The following ASTN2 variants were observed in gnomAD, a reference collection of about 807,000 sequenced individuals.
ASTN2 encodes astrotactin 2, also known as astrotactin-2.
Under a neutral mutation model 139.8 loss-of-function variants are expected in ASTN2, and 54 were observed. The observed-to-expected ratio is 0.39, with a 90% confidence interval of 0.31 to 0.48. The LOEUF is 0.48. ASTN2 is among the 20% of genes least tolerant of loss of function. ASTN2 has a pLI of 0.95. For synonymous variants in ASTN2, 756 were observed against 719.5 expected (o/e 1.05, Z -0.81); for missense variants, 1,565 against 1,725.1 (o/e 0.91, Z 1.64).
At position 117,119,990 on chromosome 9, in the gene ASTN2, ATGTGTGTGTG is replaced by A. The variant is rs752111718; in HGVS notation, c.1168+21326_1168+21335del. On this transcript the variant is annotated intron_variant, in intron 4 of 22. Transcript: ENST00000313400. ...TATATAGATATCTCTATATATTTGT[ATGTGTGTGTG>A]TGTGTGTGTGTGTGTGTGTATATAT... Among the ~76,000 whole-genome samples, 25 of 73,222 alleles carry A rather than the reference ATGTGTGTGTG, an allele frequency of 3.4e-4. 1 individual carries two copies. Among genetic ancestry groups the A allele is most frequent in the African/African-American group, 1.4e-3 (23 of 16,310 alleles). 48.0% of individuals were successfully genotyped at this position (73,222 alleles called of 152,430 possible).
At chr9:117,382,054 C>A (rs1033550791) in intron 1 of ASTN2, among the ~76,000 whole-genome samples, 1 of 152,052 alleles carries the variant, frequency 6.6e-6, no homozygotes, top group Non-Finnish European at 1.5e-5. Flanking sequence ...ATCATGAGTA[C>A]CCTTTAGGCT....
intron 3 of ASTN2, among the ~76,000 whole-genome samples, chr9:117,199,419 A>C (rs1831625701): frequency 6.6e-6 from 1 of 152,172 alleles, no homozygotes; most frequent in South Asian, 2.1e-4. Flanking sequence ...TTTGTCAAAG[A>C]TCAGATGGTT....
chr9:116,816,286 T>C (rs1038262287), intron 12 of ASTN2, among the ~76,000 whole-genome samples: 1 of 152,204 alleles, frequency 6.6e-6, no homozygotes, highest in Admixed American at 6.5e-5. Flanking sequence ...CAGGAGGTGA[T>C]GCCCTCTCAC....
At chr9:117,336,057 GAAAA>G (rs35679249) in intron 1 of ASTN2, among the ~76,000 whole-genome samples, 1 of 104,924 alleles carries the variant, frequency 9.5e-6, no homozygotes. Flanking sequence ...GTCTGGAAAG[GAAAA>G]AAAAAAAAAA....
At position 117,220,058 on chromosome 9, in the gene ASTN2, T is replaced by C. The variant is rs144889739; in HGVS notation, c.631-5316A>G. ...TGATAGTTCACAGTGTGAAGAGTTA[T>C]GCTAAGGATTAAACAAGACATTCAA... On this transcript the variant is annotated intron_variant, in intron 2 of 22. Transcript: ENST00000313400. Among the ~76,000 whole-genome samples the C allele has an allele frequency of 3.3e-5, 5 of 152,338 alleles. No individual in the cohort carries two copies. The East Asian group carries it at 9.6e-4, about 29-fold the overall frequency.
chr9:117,218,591 C>G (rs966223255), intron 2 of ASTN2, among the ~76,000 whole-genome samples: 1 of 152,146 alleles, frequency 6.6e-6, no homozygotes, highest in Admixed American at 6.5e-5. Context: ...CTCCCTAGAC[C>G]CTGAAAAAGT....
At chr9:116,998,774 G>A (rs550633628) in intron 7 of ASTN2, among the ~76,000 whole-genome samples, 3 of 152,162 alleles carry the variant, frequency 2.0e-5, no homozygotes, top group South Asian at 2.1e-4. Flanking sequence ...ATCTTACTGT[G>A]GATTTTACCT....
At chr9:117,149,556 G>A (rs1043660966) in intron 3 of ASTN2, among the ~76,000 whole-genome samples, 1 of 151,924 alleles carries the variant, frequency 6.6e-6, no homozygotes, top group Non-Finnish European at 1.5e-5. Flanking sequence ...CCAGGACTGG[G>A]GACAAGGTGA....
chr9:117,092,136 G>A (rs1055016448), intron 5 of ASTN2, among the ~76,000 whole-genome samples: 3 of 152,212 alleles, frequency 2.0e-5, no homozygotes, highest in African/African-American at 7.2e-5. Flanking sequence ...AAGGGGCAGA[G>A]CCATGTCTGA....
chr9:117,285,877 TG>T (rs1834437287), intron 2 of ASTN2, among the ~76,000 whole-genome samples: 1 of 152,186 alleles, frequency 6.6e-6, no homozygotes, highest in South Asian at 2.1e-4. Context: ...GAGAGAAACA[TG>T]CCCTCAAAAT....
chr9:117,236,784 G>T (rs1418643512), intron 2 of ASTN2, among the ~76,000 whole-genome samples: 1 of 152,130 alleles, frequency 6.6e-6, no homozygotes, highest in Non-Finnish European at 1.5e-5. Context: ...CCTATAAAAT[G>T]AACACAATAA....
chr9:116,743,661 C>G (rs7867723), intron 13 of ASTN2, among the ~76,000 whole-genome samples: 2 of 152,118 alleles, frequency 1.3e-5, no homozygotes, highest in Non-Finnish European at 2.9e-5. Context: ...GTGTGCCACC[C>G]CACCGAGCTA....
intron 20 of ASTN2, among the ~76,000 whole-genome samples, chr9:116,475,238 A>C (rs1020222763): frequency 1.3e-5 from 2 of 152,202 alleles, no homozygotes; most frequent in Non-Finnish European, 2.9e-5. Context: ...CTCAAATGGT[A>C]ACCAGCAGCT....
At chr9:117,219,401 C>A (rs1469420698) in intron 2 of ASTN2, among the ~76,000 whole-genome samples, 3 of 152,074 alleles carry the variant, frequency 2.0e-5, no homozygotes, top group Non-Finnish European at 4.4e-5. Flanking sequence ...AAAAGGGGAG[C>A]TGAGGAGGAA....
Position 117,414,531 on chromosome 9 carries a change from G to A in ASTN2, c.408C>T (p.Asp136=). Residue 136 remains aspartate (D), a synonymous_variant, in exon 1 of 23, where the codon GAC becomes GAT. Coordinates refer to ENST00000313400, the MANE Select transcript of ASTN2 (RefSeq NM_001365068.1). This position sits in a 1 kb window ranked among gnomAD's most constrained non-coding sequence, Gnocchi z 4.2. The part of the protein sequence containing the change: ...ELPGRIAVQD[D]LDNTELPFFT... ...AGAAGGGCAGCTCGGTGTTGTCCAG[G>A]TCGTCCTGCACCGCGATGCGCCCCG... 1 of 1,608,816 alleles carries A rather than the reference G, an allele frequency of 6.2e-7. No homozygotes were observed. Among genetic ancestry groups the A allele is most frequent in the Non-Finnish European group, 8.5e-7 (1 of 1,178,196 alleles).
intron 16 of ASTN2, among the ~76,000 whole-genome samples, chr9:116,702,749 A>AGCCCCTCCTCCCTTT (rs1311034776): frequency 6.6e-6 from 1 of 152,152 alleles, no homozygotes; most frequent in Non-Finnish European, 1.5e-5. Context: ...AGGTTGGTTA[A>AGCCCCTCCTCCCTTT]GCCCCTCCTC....
At chr9:117,003,150 A>T (rs932588785) in intron 7 of ASTN2, among the ~76,000 whole-genome samples, 1 of 152,198 alleles carries the variant, frequency 6.6e-6, no homozygotes, top group Non-Finnish European at 1.5e-5. Context: ...ATGAGGTGAA[A>T]GAAACAGACA....
intron 19 of ASTN2, among the ~76,000 whole-genome samples, chr9:116,604,527 G>A (rs1855087400): frequency 6.6e-6 from 1 of 152,150 alleles, no homozygotes; most frequent in Non-Finnish European, 1.5e-5. Context: ...CTGACCCGGA[G>A]TAAGCAGAGA....
chr9:117,208,488 C>CA (rs952475766), intron 3 of ASTN2, among the ~76,000 whole-genome samples: 13 of 151,056 alleles, frequency 8.6e-5, no homozygotes, highest in Non-Finnish European at 1.2e-4. Flanking sequence ...ATAAATAATA[C>CA]AAAAAAAAGA....
Sources: gnomAD v4.1 joint callset for allele counts (sites outside exome capture counted in the v4.1 genomes callset) on GRCh38, gnomAD v4.1.1 for gene constraint, Gnocchi (gnomAD v3.1) non-coding constraint, MANE v1.5 for transcripts, NCBI Gene and HGNC (gene_info 2026-07-23, HGNC 2026-07-21) for gene names.